The following IDE variants were observed in gnomAD, a reference collection of about 807,000 sequenced individuals.
IDE encodes insulin degrading enzyme.
In IDE, 58 loss-of-function variants were observed where a neutral mutation model predicts 133.2. That is an observed-to-expected ratio of 0.44 (90% confidence interval 0.35 to 0.54). The LOEUF (loss-of-function observed/expected upper bound fraction) is 0.54. IDE is among the 20% of genes least tolerant of loss of function. The pLI is 0.00. For synonymous variants in IDE, 396 were observed against 421.3 expected (o/e 0.94, Z 0.73); for missense variants, 981 against 1,234.0 (o/e 0.79, Z 3.07).
intron 22 of IDE, 51 bp downstream of exon 22, chr10:92,461,140 C>T (rs1845364113): frequency 1.1e-6 from 1 of 893,658 alleles, no homozygotes; most frequent in Non-Finnish European, 1.9e-6. Context: ...CATACCCAGC[C>T]CTATAATACT....
intron 17 of IDE, 190 bp downstream of exon 17, chr10:92,474,651 C>T (rs376179059): frequency 1.4e-4 from 69 of 486,832 alleles, no homozygotes; most frequent in African/African-American, 1.1e-3. Flanking sequence ...TTCCTTCTAC[C>T]TATTTAAAAG....
At chr10:92,554,775 A>C (rs1000583723) in intron 1 of IDE, 15 of 152,278 alleles carry the variant, frequency 9.9e-5, no homozygotes, top group African/African-American at 3.6e-4. Context: ...TGAACCTGGG[A>C]GGCAGAGGTT....
intron 17 of IDE, among the ~76,000 whole-genome samples, chr10:92,471,339 T>C (rs959396685): frequency 6.6e-6 from 1 of 152,172 alleles, no homozygotes; most frequent in Non-Finnish European, 1.5e-5. Context: ...GGAATGCAAA[T>C]AACAAGTGCT....
At chr10:92,540,111 C>T (rs1043154207) in intron 1 of IDE, among the ~76,000 whole-genome samples, 8 of 151,958 alleles carry the variant, frequency 5.3e-5, no homozygotes, top group Non-Finnish European at 1.0e-4. Flanking sequence ...GACATGGTGG[C>T]GGGTGCCTGT....
At chr10:92,549,432 C>G (rs1196371369) in intron 1 of IDE, among the ~76,000 whole-genome samples, 2 of 152,180 alleles carry the variant, frequency 1.3e-5, no homozygotes, top group Admixed American at 1.3e-4. Context: ...TATAATTAAA[C>G]TCCCATCTAT....
At chr10:92,567,823 A>G (rs764911111) in intron 1 of IDE, among the ~76,000 whole-genome samples, 23 of 152,292 alleles carry the variant, frequency 1.5e-4, no homozygotes, top group Non-Finnish European at 2.8e-4. Flanking sequence ...AATTTTAAAA[A>G]TTAGCCAGGC....
At chr10:92,561,493 T>C (rs1843281212) in intron 1 of IDE, among the ~76,000 whole-genome samples, 1 of 151,776 alleles carries the variant, frequency 6.6e-6, no homozygotes, top group African/African-American at 2.4e-5. Context: ...AGCTCACGCC[T>C]GTAATCCCAG....
chr10:92,491,630 G>T (rs1464715432), intron 11 of IDE, among the ~76,000 whole-genome samples: 6 of 143,986 alleles, frequency 4.2e-5, no homozygotes, highest in Non-Finnish European at 7.5e-5. Context: ...TTTTTTTTGA[G>T]TTGGAGTTTT....
chr10:92,549,613 A>G lies in IDE; in HGVS notation c.99-12063T>C, dbSNP rs770275061. 9.9e-5 allele frequency among the ~76,000 whole-genome samples: 15 copies of G among 152,212 alleles called. 1 individual carries two copies. The highest frequency in any genetic ancestry group is 2.1e-4 in the Non-Finnish European group (14 of 68,042). ...GTACGTAAGTGAAGGGGTTAAGCTT[A>G]GAAAGAAGCAAAGCCAGTATGTCAG... On this transcript the variant is annotated intron_variant, in intron 1 of 24. Transcript: ENST00000265986.
Position 92,508,894 on chromosome 10 carries a change from G to A in IDE, c.898-4C>T, listed in dbSNP as rs756882569. The A allele has an allele frequency of 5.0e-6, 8 of 1,608,078 alleles. No individual in the cohort carries two copies. The South Asian group carries it at 8.8e-5, about 18-fold the overall frequency. On this transcript the variant is annotated splice_polypyrimidine_tract_variant and splice_region_variant and intron_variant, in intron 6 of 24. Coordinates refer to ENST00000265986, the MANE Select transcript of IDE (RefSeq NM_004969.4). ...TGGGTACTATTTTGTAAAGTTGCTG[G>A]AGAAAACAAATCACAGAGATTAGCT...
chr10:92,482,290 T>A (rs1352721888), intron 14 of IDE, among the ~76,000 whole-genome samples: 1 of 152,204 alleles, frequency 6.6e-6, no homozygotes. Flanking sequence ...TATAAAATTA[T>A]GAAGTATAAA....
chr10:92,562,866 G>A (rs553176776), intron 1 of IDE, among the ~76,000 whole-genome samples: 24 of 152,354 alleles, frequency 1.6e-4, no homozygotes, highest in African/African-American at 5.8e-4. Flanking sequence ...CAGGCTGGGT[G>A]TGGTGGCTCA....
chr10:92,573,659 TGGCCCCGGGTAGC>T (rs1843903257), intron 1 of IDE, among the ~76,000 whole-genome samples: 1 of 152,174 alleles, frequency 6.6e-6, no homozygotes, highest in African/African-American at 2.4e-5. Context: ...ACACGCCCCG[TGGCCCCGGGTAGC>T]GGCCCCGGCC....
intron 15 of IDE, chr10:92,478,567 C>T (rs1034195668): frequency 4.8e-6 from 4 of 826,694 alleles, no homozygotes; most frequent in South Asian, 4.0e-5. Context: ...TTTAAAAATG[C>T]GAAGTTAATA....
At chr10:92,538,800 C>T (rs1473960172) in intron 1 of IDE, among the ~76,000 whole-genome samples, 2 of 147,210 alleles carry the variant, frequency 1.4e-5, no homozygotes, top group African/African-American at 5.0e-5. Flanking sequence ...AAAACTGAAA[C>T]TGCTACTACT....
At chr10:92,518,266 T>C (rs1226036208) in intron 4 of IDE, among the ~76,000 whole-genome samples, 1 of 152,146 alleles carries the variant, frequency 6.6e-6, no homozygotes, top group African/African-American at 2.4e-5. Flanking sequence ...CAAGATTCAA[T>C]TGATTCTCCT....
At chr10:92,546,255 G>C (rs373524567) in intron 1 of IDE, among the ~76,000 whole-genome samples, 23 of 152,228 alleles carry the variant, frequency 1.5e-4, no homozygotes, top group African/African-American at 5.3e-4. Context: ...AGTAGTGATT[G>C]GATTTGGAAA....
At chr10:92,561,597 C>G (rs1443272999) in intron 1 of IDE, among the ~76,000 whole-genome samples, 1 of 120,208 alleles carries the variant, frequency 8.3e-6, no homozygotes, top group Non-Finnish European at 1.8e-5. Context: ...AATAAAAATA[C>G]AAAAAAAAAA....
At chr10:92,457,801 C>T (rs1845109695) in intron 22 of IDE, among the ~76,000 whole-genome samples, 1 of 152,120 alleles carries the variant, frequency 6.6e-6, no homozygotes, top group African/African-American at 2.4e-5. Context: ...CAAGGAAGCC[C>T]TGTTGATGTT....
Sources: allele counts gnomAD v4.1 joint callset (sites outside exome capture counted in the v4.1 genomes callset), GRCh38; gene constraint gnomAD v4.1.1; transcripts MANE v1.5; gene names NCBI Gene and HGNC (gene_info 2026-07-23, HGNC 2026-07-21).